The following CES4A variants were observed in gnomAD, a reference collection of about 807,000 sequenced individuals.
CES4A encodes carboxylesterase 4A.
In CES4A, 48 loss-of-function variants were observed where a neutral mutation model predicts 65.4. That is an observed-to-expected ratio of 0.73 (90% CI 0.58 to 0.93). The LOEUF is 0.93. Ranked by LOEUF, CES4A falls within the 40% of genes least tolerant of loss-of-function variation. The pLI, the probability that CES4A is intolerant of heterozygous loss-of-function variation, is 0.00. For synonymous variants in CES4A, 247 were observed against 281.8 expected (o/e 0.88, Z 1.24); for missense variants, 685 against 728.5 (o/e 0.94, Z 0.69).
intron 1 of CES4A, among the ~76,000 whole-genome samples, chr16:66,993,999 G>T (rs1202044713): frequency 4.0e-5 from 6 of 151,426 alleles, no homozygotes; most frequent in Non-Finnish European, 7.4e-5. Context: ...TACTCGGGAG[G>T]CTGAGGCAGG....
At chr16:66,999,661 G>A (rs539307926) in intron 2 of CES4A, among the ~76,000 whole-genome samples, 1 of 152,350 alleles carries the variant, frequency 6.6e-6, no homozygotes, top group African/African-American at 2.4e-5. Context: ...AATTAGCTGG[G>A]TGTGATGGCG....
intron 10 of CES4A, 140 bp downstream of exon 10, chr16:67,005,013 G>C (rs1965642961): frequency 7.6e-6 from 6 of 786,426 alleles, no homozygotes; most frequent in Non-Finnish European, 1.0e-5. Flanking sequence ...TTTGCTGTGG[G>C]ATCAGATGAC....
In CES4A at chr16:67,003,104, G is replaced by A. The variant is rs759483592; in HGVS notation, c.725G>A (p.Arg242Gln). ...CCCCTAGCCTCGGGTCTCTTCCATC[G>A]GGCCATTTCCCAGAGTGGCACCGCG... The change falls in exon 6 of 14, where the codon CGG (arginine) becomes CAG (glutamine). Residue 242 changes from arginine to glutamine, a missense_variant. Arg to Gln is a conservative substitution (Grantham distance 43). Coordinates refer to ENST00000648724, the Ensembl canonical transcript of CES4A. This position sits in a 1 kb window ranked among gnomAD's most constrained non-coding sequence, Gnocchi z 4.2. 7.4e-6 allele frequency: 12 copies of A among 1,614,062 alleles called. No individual in the cohort carries two copies. Among genetic ancestry groups the A allele is most frequent in the African/African-American group, 2.7e-5 (2 of 74,994 alleles).
At position 67,000,865 on chromosome 16, in the gene CES4A, C is replaced by A. The variant is rs776041643; in HGVS notation, c.411C>A (p.Val137=). 4 of 1,597,416 alleles carry A rather than the reference C, an allele frequency of 2.5e-6. No homozygotes were observed. Among genetic ancestry groups the A allele is most frequent in the South Asian group, 1.1e-5 (1 of 88,388 alleles). The change falls in exon 4 of 14, where the codon GTC becomes GTA. Residue 137 remains valine (V), a synonymous_variant. Coordinates refer to ENST00000648724, the Ensembl canonical transcript of CES4A. The surrounding 1 kb of genome is among the most constrained non-coding windows in gnomAD (Gnocchi z 4.2). ...CGGCCTTCTTCGTCCAGGTGATGGT[C>A]TGGTTCCCGGGAGGCGCCTTCATCG...
intron 2 of CES4A, among the ~76,000 whole-genome samples, chr16:66,997,924 GAGAC>G (rs957895362): frequency 1.3e-4 from 20 of 149,874 alleles, no homozygotes; most frequent in African/African-American, 4.9e-4. Flanking sequence ...CTTAGCCTGA[GAGAC>G]AGAGTGAGAC....
At chr16:66,990,950 G>C (rs1964339265) in intron 1 of CES4A, among the ~76,000 whole-genome samples, 1 of 152,010 alleles carries the variant, frequency 6.6e-6, no homozygotes, top group Admixed American at 6.6e-5. Flanking sequence ...ATTTTCACAG[G>C]GGAGAGACCC....
intron 13 of CES4A, chr16:67,007,941 T>G (rs1965899064): frequency 6.6e-6 from 1 of 152,030 alleles, no homozygotes; most frequent in Non-Finnish European, 1.5e-5. Context: ...CCTGCCACCA[T>G]GCCTGGCTAA....
At position 67,000,446 on chromosome 16, in the gene CES4A, G is replaced by C. The variant is rs1257545899; in HGVS notation, c.261-192G>C. Reference sequence around the variant, plus strand: ...GGCAGGGAGGGGATGGTTCCTGAGAGGCCAACCTGCCTCCCAGTCCTGGGC... The same window carrying C: ...GGCAGGGAGGGGATGGTTCCTGAGACGCCAACCTGCCTCCCAGTCCTGGGC... On this transcript the variant is annotated intron_variant, in intron 2 of 13. Transcript: ENST00000648724. The surrounding 1 kb of genome is among the most constrained non-coding windows in gnomAD (Gnocchi z 4.2). 16 of 1,410,636 alleles carry C rather than the reference G, an allele frequency of 1.1e-5. No homozygotes were observed. The highest frequency in any genetic ancestry group is 1.3e-5 in the Non-Finnish European group (14 of 1,086,432). 87.4% of individuals were successfully genotyped at this position (1,410,636 alleles called of 1,614,324 possible).
exon 2 of CES4A, chr16:66,995,650 T>C (rs368774734): frequency 1.9e-6 from 3 of 1,614,174 alleles, no homozygotes; most frequent in Non-Finnish European, 2.5e-6. Flanking sequence ...CCAAGAGGCC[T>C]CAAGTGGTCA....
Position 67,000,462 on chromosome 16 carries a change from A to G in CES4A, c.261-176A>G, listed in dbSNP as rs1419009488. The G allele has an allele frequency of 2.8e-6, 4 of 1,415,036 alleles. No individual in the cohort carries two copies. The highest frequency in any genetic ancestry group is 3.7e-6 in the Non-Finnish European group (4 of 1,088,484). 87.7% of individuals were successfully genotyped at this position (1,415,036 alleles called of 1,614,324 possible). ...TTCCTGAGAGGCCAACCTGCCTCCC[A>G]GTCCTGGGCCCCGGGGCTGGCGGAG... On this transcript the variant is annotated intron_variant, in intron 2 of 13. Coordinates refer to ENST00000648724, the Ensembl canonical transcript of CES4A. The surrounding 1 kb of genome is among the most constrained non-coding windows in gnomAD (Gnocchi z 4.2).
intron 1 of CES4A, among the ~76,000 whole-genome samples, chr16:66,990,512 C>T (rs749943243): frequency 6.6e-6 from 1 of 152,068 alleles, no homozygotes; most frequent in Non-Finnish European, 1.5e-5. Context: ...GCCTGGGCAA[C>T]ATAACTAGAG....
chr16:66,999,549 C>A (rs1029231527), intron 2 of CES4A, among the ~76,000 whole-genome samples: 7 of 152,222 alleles, frequency 4.6e-5, no homozygotes, highest in Admixed American at 4.6e-4. Flanking sequence ...TGCCTATAAT[C>A]CCAGCACTTT....
exon 1 of CES4A, chr16:66,988,728 A>G (rs1964144742): frequency 6.4e-7 from 1 of 1,552,610 alleles, no homozygotes; most frequent in South Asian, 1.2e-5. Context: ...GTTGCCATCC[A>G]CAGTGTTGCC....
In CES4A at chr16:66,991,664, C is replaced by G. The variant is rs146595621; in HGVS notation, c.58+2834C>G. ...TAGGTGCCCCTTGGAGGCTAGGGAG[C>G]CGACAGAAAAACATGGTTTAAGGCA... is the stretch of plus-strand genomic sequence containing the variant. On this transcript the variant is annotated intron_variant, in intron 1 of 13. Transcript: ENST00000648724. Among the ~76,000 whole-genome samples, 51 of 152,296 alleles carry G rather than the reference C, an allele frequency of 3.3e-4. No individual in the cohort carries two copies. In the East Asian group the frequency reaches 9.6e-3, roughly 29 times the overall value.
chr16:66,988,681 C>T (rs1416118261), exon 1 of CES4A: 2 of 1,544,836 alleles, frequency 1.3e-6, no homozygotes, highest in Non-Finnish European at 1.7e-6. Context: ...AAAGTGTGCT[C>T]ACACACTGTA....
intron 2 of CES4A, chr16:66,996,053 T>C: frequency 1.5e-6 from 1 of 669,086 alleles, no homozygotes. Context: ...GTTTTTGTTT[T>C]TTTTAGATGG....
intron 12 of CES4A, 46 bp from the exon 13 acceptor site, chr16:67,006,699 G>A (rs1371225971): frequency 6.3e-7 from 1 of 1,587,276 alleles, no homozygotes; most frequent in East Asian, 2.2e-5. Context: ...TGGGAGGTCA[G>A]TGTCCCCTGC....
chr16:66,997,097 T>C (rs1436224231), intron 2 of CES4A, among the ~76,000 whole-genome samples: 1 of 151,714 alleles, frequency 6.6e-6, no homozygotes, highest in African/African-American at 2.4e-5. Flanking sequence ...TGTCCACTGT[T>C]AGAACATGAC....
intron 1 of CES4A, among the ~76,000 whole-genome samples, chr16:66,991,946 AAAAAAG>A (rs1246378542): frequency 2.0e-5 from 3 of 152,194 alleles, no homozygotes. Flanking sequence ...CTGTCTCTAC[AAAAAAG>A]AAAAAGAAAA....
Sources: gnomAD v4.1 joint callset for allele counts (sites outside exome capture counted in the v4.1 genomes callset) on GRCh38, gnomAD v4.1.1 for gene constraint, Gnocchi (gnomAD v3.1) non-coding constraint, MANE v1.5 for transcripts, NCBI Gene and HGNC (gene_info 2026-07-23, HGNC 2026-07-21) for gene names.